The following CLVS1 variants were observed in gnomAD, a reference collection of about 807,000 sequenced individuals.
CLVS1 encodes the protein clavesin-1.
A neutral mutation model predicts 33.1 loss-of-function variants in CLVS1; 10 were observed. The ratio of observed to expected loss-of-function variants is 0.30; its 90% CI spans 0.19 to 0.51. The LOEUF (loss-of-function observed/expected upper bound fraction) is 0.51, where lower values mean the gene tolerates loss of function less well. Ranked by LOEUF, CLVS1 falls within the 20% of genes least tolerant of loss-of-function variation. The probability of loss-of-function intolerance (pLI) is 0.97; values close to 1 mark genes in which losing one functional copy is unlikely to be tolerated. For synonymous variants in CLVS1, 163 were observed against 166.1 expected, an observed-to-expected ratio of 0.98 and a Z score of 0.14; for missense variants, 343 against 433.4, an observed-to-expected ratio of 0.79 and a Z score of 1.85.
chr8:61,004,081 G>A, the CLVS1 span, among the ~76,000 whole-genome samples: 2 of 152,194 alleles, frequency 1.3e-5, no homozygotes, highest in Admixed American at 6.5e-5. Flanking sequence ...TCAGACAAAC[G>A]CATAATAAGT....
intron 5 of CLVS1, among the ~76,000 whole-genome samples, chr8:61,486,646 G>A (rs1047333105): frequency 6.6e-6 from 1 of 152,158 alleles, no homozygotes; most frequent in African/African-American, 2.4e-5. Context: ...CAGAAAGGAA[G>A]CGTTGAATTC....
intron 5 of CLVS1, among the ~76,000 whole-genome samples, chr8:61,488,277 G>T (rs1258792260): frequency 6.6e-6 from 1 of 152,096 alleles, no homozygotes; most frequent in Non-Finnish European, 1.5e-5. Flanking sequence ...AAACTCTAAG[G>T]CTTCTATACA....
At chr8:61,473,687 T>C (rs76987979) in intron 5 of CLVS1, among the ~76,000 whole-genome samples, 3,628 of 152,210 alleles carry the variant, frequency 0.024, 68 homozygotes, top group Non-Finnish European at 0.032. Flanking sequence ...AGAAGATGAC[T>C]CAAAAATGTT....
At chr8:61,236,737 G>A (rs1246930431) in intron 2 of CLVS1, among the ~76,000 whole-genome samples, 5 of 152,086 alleles carry the variant, frequency 3.3e-5, no homozygotes, top group Non-Finnish European at 7.4e-5. Flanking sequence ...GTTTCTAAAT[G>A]GAAAAGACTG....
At chr8:61,323,847 C>G (rs915140288) in intron 2 of CLVS1, among the ~76,000 whole-genome samples, 8 of 151,976 alleles carry the variant, frequency 5.3e-5, no homozygotes, top group African/African-American at 1.9e-4. Flanking sequence ...TGTGTTTTTC[C>G]CTCTACGTGT....
At chr8:61,158,664 G>A (rs962027772) in intron 2 of CLVS1, among the ~76,000 whole-genome samples, 3 of 151,882 alleles carry the variant, frequency 2.0e-5, no homozygotes, top group Non-Finnish European at 4.4e-5. Context: ...CTAGGAGTGA[G>A]GGTAGGGTCA....
At chr8:61,186,248 C>T (rs1168674865) in intron 2 of CLVS1, among the ~76,000 whole-genome samples, 2 of 152,210 alleles carry the variant, frequency 1.3e-5, no homozygotes, top group Non-Finnish European at 2.9e-5. Flanking sequence ...AAGGTGCTGT[C>T]TGCAGCTGGC....
chr8:61,169,613 C>G (rs114766805), intron 2 of CLVS1, among the ~76,000 whole-genome samples: 29 of 152,142 alleles, frequency 1.9e-4, no homozygotes, highest in Admixed American at 1.9e-3. Flanking sequence ...ACCACTGCCC[C>G]GAAGAACTCA....
intron 3 of CLVS1, among the ~76,000 whole-genome samples, chr8:61,399,386 T>C (rs535927657): frequency 6.6e-6 from 1 of 152,156 alleles, no homozygotes; most frequent in Non-Finnish European, 1.5e-5. Flanking sequence ...GACTTTTTAA[T>C]GGGGTTGTTT....
At chr8:61,178,935 C>G (rs7014777) in intron 2 of CLVS1, among the ~76,000 whole-genome samples, 68,021 of 151,994 alleles carry the variant, frequency 0.45, 16,988 homozygotes, top group Middle Eastern at 0.66. Flanking sequence ...TAAACTGCAT[C>G]AACTAATGTG....
chr8:61,251,392 TGCCAGGCTTTG>T (rs555311537), intron 2 of CLVS1, among the ~76,000 whole-genome samples: 189 of 152,326 alleles, frequency 1.2e-3, no homozygotes, highest in African/African-American at 4.3e-3. Flanking sequence ...GTGGTGTCTC[TGCCAGGCTTTG>T]GTATTAGGAT....
intron 2 of CLVS1, among the ~76,000 whole-genome samples, chr8:61,322,355 A>G (rs1811222894): frequency 6.6e-6 from 1 of 152,190 alleles, no homozygotes; most frequent in Non-Finnish European, 1.5e-5. Flanking sequence ...TAGACATAAG[A>G]AAGGAAAAGT....
At chr8:61,063,541 G>C (rs1268612531) in intron 1 of CLVS1, among the ~76,000 whole-genome samples, 1 of 152,130 alleles carries the variant, frequency 6.6e-6, no homozygotes, top group Non-Finnish European at 1.5e-5. Context: ...GCTTCAAGAA[G>C]GATGGACACA....
chr8:61,261,975 CGTGT>C (rs57278209), intron 2 of CLVS1, among the ~76,000 whole-genome samples: 10,515 of 110,606 alleles, frequency 0.095, 337 homozygotes, highest in Middle Eastern at 0.17. Flanking sequence ...CTCATTGCTG[CGTGT>C]GTGTGTGTGT....
chr8:61,439,518 C>T (rs1816465150), intron 3 of CLVS1, among the ~76,000 whole-genome samples: 1 of 152,140 alleles, frequency 6.6e-6, no homozygotes, highest in South Asian at 2.1e-4. Flanking sequence ...TTTACCTCCT[C>T]ACTCATCTCA....
intron 2 of CLVS1, among the ~76,000 whole-genome samples, chr8:61,351,985 CA>C (rs1357222069): frequency 7.9e-5 from 12 of 151,910 alleles, no homozygotes; most frequent in Admixed American, 5.9e-4. Context: ...CTTGAAATAT[CA>C]GGAAGAAGGA....
At chr8:60,999,986 A>G in the CLVS1 span, among the ~76,000 whole-genome samples, 1 of 152,260 alleles carries the variant, frequency 6.6e-6, no homozygotes, top group Non-Finnish European at 1.5e-5. Context: ...ATAATCAGAC[A>G]GATGGAGTTG....
intron 2 of CLVS1, among the ~76,000 whole-genome samples, chr8:61,273,521 A>G (rs1180580484): frequency 6.6e-6 from 1 of 152,208 alleles, no homozygotes; most frequent in Admixed American, 6.5e-5. Flanking sequence ...GGCTCCGCCC[A>G]GTTGGAGCTT....
At chr8:61,102,997 G>A (rs1232499415) in intron 1 of CLVS1, among the ~76,000 whole-genome samples, 1 of 152,314 alleles carries the variant, frequency 6.6e-6, no homozygotes, top group East Asian at 1.9e-4. Context: ...GGTAGGCAAT[G>A]ATAGTAGATC....
Sources: allele counts gnomAD v4.1 joint callset (sites outside exome capture counted in the v4.1 genomes callset), GRCh38; gene constraint gnomAD v4.1.1; transcripts MANE v1.5; gene names NCBI Gene and HGNC (gene_info 2026-07-23, HGNC 2026-07-21).